Variants in GPATCH2L observed in about 807,000 individuals in gnomAD.
GPATCH2L encodes the protein G-patch domain containing 2 like, also known as G patch domain-containing protein 2-like.
A neutral mutation model predicts 57.4 loss-of-function variants in GPATCH2L; 31 were observed. The ratio of observed to expected loss-of-function variants is 0.54; its 90% CI spans 0.41 to 0.73. The LOEUF (loss-of-function observed/expected upper bound fraction) is 0.73, where lower values mean the gene tolerates loss of function less well. GPATCH2L is among the 30% of genes least tolerant of loss of function. GPATCH2L has a pLI of 0.00. For synonymous variants in GPATCH2L, 199 were observed against 210.7 expected (o/e 0.94, Z 0.48); for missense variants, 481 against 599.9 (o/e 0.80, Z 2.07).
At position 76,180,810 on chromosome 14, in the gene GPATCH2L, C is replaced by T. The variant is rs1446531222; in HGVS notation, c.1154C>T (p.Ala385Val). ...PLYSLDVLAD[A>V]SHRRCSPAHC... Reference sequence around the variant, plus strand: ...TACTCCCTGGATGTTCTTGCCGATGCTTCTCACCGAAGGTGTTCACCAGCA... The same window carrying T: ...TACTCCCTGGATGTTCTTGCCGATGTTTCTCACCGAAGGTGTTCACCAGCA... The change falls in exon 8 of 10, where the codon GCT (alanine) becomes GTT (valine). Residue 385 changes from alanine (A) to valine (V), a missense_variant. By Grantham distance (64) the Ala-to-Val change is moderately conservative. Coordinates refer to ENST00000261530, the MANE Select transcript of GPATCH2L (RefSeq NM_017926.4). 3.1e-6 allele frequency: 5 copies of T among 1,613,322 alleles called. No homozygotes were observed. In the African/African-American group the frequency reaches 6.7e-5, roughly 22 times the overall value.
rs1253289449 is a variant in GPATCH2L, at chr14:76,203,291, A to G, written c.*1440A>G. ...AAAGGGGACTTGAAGCTAAGTTTAC[A>G]TGGCACTTTAAGACTGAGAACATAT... On this transcript the variant is annotated 3_prime_UTR_variant, in exon 10 of 10. Coordinates refer to ENST00000261530, the MANE Select transcript of GPATCH2L (RefSeq NM_017926.4). 1 of 152,240 alleles carries G rather than the reference A, an allele frequency of 6.6e-6. No individual in the cohort carries two copies. The highest frequency in any genetic ancestry group is 1.5e-5 in the Non-Finnish European group (1 of 68,050). The allele number at this position is 152,240 out of a possible 1,614,324, so 9.4% of individuals were successfully genotyped here. A position where few individuals can be genotyped will look rare whatever the true frequency, so the allele number is the denominator to read the frequency against.
At position 76,196,436 on chromosome 14, in the gene GPATCH2L, A is replaced by AGTTTT. The variant is rs764785591; in HGVS notation, c.1288+465_1288+469dup. On this transcript the variant is annotated intron_variant, in intron 9 of 9. Coordinates refer to ENST00000261530, the MANE Select transcript of GPATCH2L (RefSeq NM_017926.4). ...ACAATTTTTTAGGCTAAAACTTTTCAGTTTTTTTTTTTTTTTTTTTTAACA... is the reference window on the plus strand; with the variant it reads ...ACAATTTTTTAGGCTAAAACTTTTCAGTTTTGTTTTTTTTTTTTTTTTTTTTAACA... The AGTTTT allele has an allele frequency of 1.6e-3, 202 of 129,446 alleles. 1 individual carries two copies. Among genetic ancestry groups the AGTTTT allele is most frequent in the South Asian group, 3.1e-3 (17 of 5,494 alleles). 8.0% of individuals were successfully genotyped at this position (129,446 alleles called of 1,614,324 possible).
rs77357559 is a variant in GPATCH2L, at chr14:76,185,814, G to A, written c.1193+4965G>A. Among the ~76,000 whole-genome samples, 18 of 152,154 alleles carry A rather than the reference G, an allele frequency of 1.2e-4. No individual in the cohort carries two copies. In the East Asian group the frequency reaches 2.3e-3, roughly 20 times the overall value. On this transcript the variant is annotated intron_variant, in intron 8 of 9. Coordinates refer to ENST00000261530, the MANE Select transcript of GPATCH2L (RefSeq NM_017926.4). ...TCAGCCTGGTATGCAAATGTTATAC[G>A]TGTTTCTTAATGAATGGATGAAAAG...
intron 2 of GPATCH2L, among the ~76,000 whole-genome samples, chr14:76,162,302 C>T (rs904182418): frequency 6.6e-6 from 1 of 152,158 alleles, no homozygotes; most frequent in African/African-American, 2.4e-5. Flanking sequence ...TGGGCCTCTC[C>T]GCATGCCCAT....
intron 2 of GPATCH2L, among the ~76,000 whole-genome samples, chr14:76,155,334 A>G (rs1900118): frequency 0.65 from 98,978 of 151,656 alleles, 33,289 homozygotes; most frequent in South Asian, 0.78. Context: ...CATACAGTTT[A>G]TACATAAATA....
Position 76,213,389 on chromosome 14 carries a change from A to G in GPATCH2L, c.*11538A>G, listed in dbSNP as rs2139851516. On this transcript the variant is annotated 3_prime_UTR_variant, in exon 10 of 10. Coordinates refer to ENST00000261530, the MANE Select transcript of GPATCH2L (RefSeq NM_017926.4). The stretch of plus-strand genomic sequence containing the variant: ...TTGTCATAGAAGAAATGAAGTAAGT[A>G]TTTCAATTAGCATGACAGACTAAAT... 1 of 152,334 alleles carries G rather than the reference A, an allele frequency of 6.6e-6. No homozygotes were observed. The highest frequency in any genetic ancestry group is 2.1e-4 in the South Asian group (1 of 4,834). 9.4% of individuals were successfully genotyped at this position (152,334 alleles called of 1,614,324 possible). A position where few individuals can be genotyped will look rare whatever the true frequency, so the allele number is the denominator to read the frequency against.
intron 2 of GPATCH2L, among the ~76,000 whole-genome samples, chr14:76,164,321 G>C (rs773266261): frequency 3.3e-5 from 5 of 152,160 alleles, no homozygotes; most frequent in Non-Finnish European, 5.9e-5. Flanking sequence ...GGGCTGTGCT[G>C]TGCATTGCAG....
At chr14:76,228,293 G>T (rs959181012) in intron 1 of GPATCH2L, among the ~76,000 whole-genome samples, 2 of 152,140 alleles carry the variant, frequency 1.3e-5, no homozygotes, top group African/African-American at 4.8e-5. Context: ...TTGAATGTTG[G>T]ATTCCTTTGG....
At chr14:76,215,359 G>A (rs897562784), downstream of GPATCH2L, among the ~76,000 whole-genome samples, 46 of 152,084 alleles carry the variant, frequency 3.0e-4, no homozygotes, top group East Asian at 2.5e-3. Context: ...TCAGTGTGGC[G>A]ATTCCTCAGG....
At chr14:76,223,171 G>A (rs74421556) in intron 1 of GPATCH2L, among the ~76,000 whole-genome samples, 4,377 of 152,158 alleles carry the variant, frequency 0.029, 236 homozygotes, top group African/African-American at 0.1. Context: ...CCAAAGGGTG[G>A]CAGGTTCATT....
intron 3 of GPATCH2L, among the ~76,000 whole-genome samples, chr14:76,170,016 C>T (rs1011987304): frequency 6.6e-6 from 1 of 152,096 alleles, no homozygotes; most frequent in African/African-American, 2.4e-5. Context: ...TTTTAACAAG[C>T]CCTCCTGCTG....
At chr14:76,219,990 T>C (rs1315951451) in intron 1 of GPATCH2L, among the ~76,000 whole-genome samples, 4 of 152,234 alleles carry the variant, frequency 2.6e-5, no homozygotes, top group African/African-American at 9.6e-5. Flanking sequence ...GATTCGTTTC[T>C]GTTATCAGGC....
At chr14:76,178,225 A>T (rs986193639) in intron 7 of GPATCH2L, 183 bp downstream of exon 7, 9 of 1,510,034 alleles carry the variant, frequency 6.0e-6, no homozygotes, top group Non-Finnish European at 7.1e-6. Flanking sequence ...CTTTGCAGTA[A>T]GAAAGCAGAA....
intron 2 of GPATCH2L, among the ~76,000 whole-genome samples, chr14:76,164,147 T>TG (rs1005860691): frequency 3.3e-5 from 5 of 152,322 alleles, no homozygotes; most frequent in South Asian, 2.1e-4. Flanking sequence ...TATGGGATGT[T>TG]GACTGCTGCA....
rs1595015254 is a variant in GPATCH2L, at chr14:76,229,231, G to A, written c.66-577G>A. ...GAGTGAACTTTAATTTCTGAGTTTT[G>A]TAAAGGATTGATATTCCCTCATATG... is the stretch of plus-strand genomic sequence containing the variant. On this transcript the variant is annotated intron_variant and NMD_transcript_variant, in intron 1 of 3. Coordinates refer to the GPATCH2L transcript ENST00000556372. Among the ~76,000 whole-genome samples the A allele has an allele frequency of 2.6e-5, 4 of 152,222 alleles. No homozygotes were observed. In the South Asian group the frequency reaches 8.3e-4, roughly 32 times the overall value.
chr14:76,220,070 A>G (rs2040507927), intron 1 of GPATCH2L, among the ~76,000 whole-genome samples: 1 of 152,074 alleles, frequency 6.6e-6, no homozygotes, highest in South Asian at 2.1e-4. Flanking sequence ...GACACAAGTG[A>G]CTCCATTTTG....
intron 1 of GPATCH2L, among the ~76,000 whole-genome samples, chr14:76,222,603 G>A (rs1354911997): frequency 6.6e-6 from 1 of 151,432 alleles, no homozygotes; most frequent in Non-Finnish European, 1.5e-5. Context: ...GTGAGACCCT[G>A]TAACAACAAC....
chr14:76,227,013 C>T (rs925873939), intron 1 of GPATCH2L, among the ~76,000 whole-genome samples: 8 of 152,106 alleles, frequency 5.3e-5, no homozygotes, highest in South Asian at 2.1e-4. Flanking sequence ...GAGAGCTGAG[C>T]GGAGGGCATG....
chr14:76,180,952 A>T (rs536294208), intron 8 of GPATCH2L, 103 bp downstream of exon 8: 37 of 720,792 alleles, frequency 5.1e-5, no homozygotes, highest in African/African-American at 3.5e-5. Flanking sequence ...ATCCAATTTG[A>T]TCCTGACAAT....
Sources: allele counts gnomAD v4.1 joint callset (sites outside exome capture counted in the v4.1 genomes callset), GRCh38; gene constraint gnomAD v4.1.1; transcripts MANE v1.5; gene names NCBI Gene and HGNC (gene_info 2026-07-23, HGNC 2026-07-21).